The following DACH1 variants were observed in gnomAD, a reference collection of about 807,000 sequenced individuals.
DACH1 encodes the protein dachshund homolog 1.
A neutral mutation model predicts 54.2 loss-of-function variants in DACH1; 12 were observed. The ratio of observed to expected loss-of-function variants is 0.22; its 90% CI spans 0.14 to 0.36. The LOEUF (loss-of-function observed/expected upper bound fraction) is 0.36. Among genes scored for constraint, DACH1 ranks in the 10% least tolerant of loss-of-function variants. DACH1 has a pLI of 1.00. For synonymous variants in DACH1, 386 were observed against 366.2 expected (o/e 1.05, Z -0.62); for missense variants, 805 against 929.8 (o/e 0.87, Z 1.75).
At chr13:71,813,610 G>A (rs1017582922) in intron 1 of DACH1, among the ~76,000 whole-genome samples, 1 of 152,022 alleles carries the variant, frequency 6.6e-6, no homozygotes, top group African/African-American at 2.4e-5. Context: ...CACAGAATAG[G>A]TTTAAGAACA....
At chr13:71,830,965 A>G (rs1005989909) in intron 1 of DACH1, among the ~76,000 whole-genome samples, 1 of 151,944 alleles carries the variant, frequency 6.6e-6, no homozygotes, top group African/African-American at 2.4e-5. Flanking sequence ...GAACAAACTG[A>G]CAAAGCAAAG....
intron 10 of DACH1, among the ~76,000 whole-genome samples, chr13:71,468,674 A>C (rs1876804650): frequency 1.3e-5 from 2 of 152,190 alleles, no homozygotes; most frequent in South Asian, 4.1e-4. Flanking sequence ...AAAGAAACAA[A>C]GGGGCTCACC....
intron 1 of DACH1, among the ~76,000 whole-genome samples, chr13:71,864,989 A>T (rs1177491270): frequency 6.6e-6 from 1 of 152,114 alleles, no homozygotes; most frequent in Non-Finnish European, 1.5e-5. Context: ...TTTGGAGAGA[A>T]AGAGACAGAG....
At chr13:71,503,029 T>C (rs1031948412) in intron 6 of DACH1, among the ~76,000 whole-genome samples, 2 of 152,200 alleles carry the variant, frequency 1.3e-5, no homozygotes, top group Non-Finnish European at 2.9e-5. Flanking sequence ...TTTTAATGGG[T>C]CCCTTCTTTC....
rs375037911 is a variant in DACH1, at chr13:71,542,612, G to A, written c.1570+14412C>T. 1.1e-3 allele frequency among the ~76,000 whole-genome samples: 170 copies of A among 152,174 alleles called. 1 individual carries two copies. The highest frequency in any genetic ancestry group is 4.0e-3 in the African/African-American group (167 of 41,546). On this transcript the variant is annotated intron_variant, in intron 6 of 10. Transcript: ENST00000613252. ...TCCTCTTTGGCTTGTCTAAAACAAT[G>A]AGAAAAGTCTGTTTAATCTTAAACC...
chr13:71,583,583 C>G (rs1593934702), intron 3 of DACH1, among the ~76,000 whole-genome samples: 2 of 152,172 alleles, frequency 1.3e-5, no homozygotes, highest in African/African-American at 2.4e-5. Context: ...TGGCTTACAT[C>G]TGTAATCCCA....
chr13:71,674,464 C>T (rs1880421271), intron 2 of DACH1, among the ~76,000 whole-genome samples: 1 of 151,436 alleles, frequency 6.6e-6, no homozygotes, highest in South Asian at 2.1e-4. Flanking sequence ...CACACACACA[C>T]ACACACACAC....
chr13:71,782,314 T>C (rs149293165), intron 1 of DACH1, among the ~76,000 whole-genome samples: 1 of 152,178 alleles, frequency 6.6e-6, no homozygotes, highest in East Asian at 1.9e-4. Context: ...TGGTGATGCA[T>C]GCCTGTAGTC....
rs568239915 is a variant in DACH1 at position 71,633,995 on chromosome 13, CAG to C, written c.965-3280_965-3279del. On this transcript the variant is annotated intron_variant, in intron 2 of 10. Transcript: ENST00000613252. ...CCTTTTTTTTTTTTTTCTTTTGAGA[CAG>C]AGTCTCCTTCTGTCACCCAGGCTGG... Among the ~76,000 whole-genome samples, 87 of 146,294 alleles carry C rather than the reference CAG, an allele frequency of 5.9e-4. 2 individuals carry two copies. In the South Asian group the frequency reaches 0.018, roughly 30 times the overall value.
intron 2 of DACH1, among the ~76,000 whole-genome samples, chr13:71,654,441 AAATAAAATAAAATAAAGTAAAATAAAAT>A (rs2138632492): frequency 7.0e-6 from 1 of 142,060 alleles, no homozygotes; most frequent in African/African-American, 2.6e-5. Flanking sequence ...AAATAAAATA[AAATAAAATAAAATAAAGTAAAATAAAAT>A]AAAATAAAAT....
chr13:71,508,951 T>G (rs1205908645), intron 6 of DACH1, among the ~76,000 whole-genome samples: 1 of 152,166 alleles, frequency 6.6e-6, no homozygotes, highest in Non-Finnish European at 1.5e-5. Flanking sequence ...TTTGATTTGA[T>G]GTATTTAACT....
At chr13:71,851,016 T>C (rs1317251494) in intron 1 of DACH1, among the ~76,000 whole-genome samples, 1 of 152,248 alleles carries the variant, frequency 6.6e-6, no homozygotes. Context: ...TGTGCTGTGA[T>C]ATGTACGTCC....
At chr13:71,716,318 A>T (rs1161844360) in intron 1 of DACH1, among the ~76,000 whole-genome samples, 1 of 152,128 alleles carries the variant, frequency 6.6e-6, no homozygotes, top group Non-Finnish European at 1.5e-5. Context: ...ATAACATTAT[A>T]GCACATTCAG....
rs186972687 is a variant in DACH1 at position 71,794,500 on chromosome 13, G to A, written c.848+71422C>T. ...GTCGCCCAGGCTGGAGTGCAATGGC[G>A]CAATCTCGGCTCACTGCAACCTCCA... On this transcript the variant is annotated intron_variant, in intron 1 of 10. Transcript: ENST00000613252. 3.6e-3 allele frequency among the ~76,000 whole-genome samples: 554 copies of A among 152,208 alleles called. 4 individuals carry two copies. Among genetic ancestry groups the A allele is most frequent in the Middle Eastern group, 6.8e-3 (2 of 294 alleles).
At chr13:71,766,032 G>A (rs979841232) in intron 1 of DACH1, among the ~76,000 whole-genome samples, 3 of 151,826 alleles carry the variant, frequency 2.0e-5, no homozygotes, top group East Asian at 1.9e-4. Context: ...GACAACAGGC[G>A]CCCGCCACCA....
intron 6 of DACH1, among the ~76,000 whole-genome samples, chr13:71,493,829 T>A (rs1042521991): frequency 6.6e-6 from 1 of 152,162 alleles, no homozygotes; most frequent in South Asian, 2.1e-4. Context: ...TTAGAAATTT[T>A]AAAAGTTTTA....
At chr13:71,567,481 T>C (rs973268533) in intron 4 of DACH1, among the ~76,000 whole-genome samples, 3 of 151,982 alleles carry the variant, frequency 2.0e-5, no homozygotes, top group Non-Finnish European at 4.4e-5. Context: ...GGTCTCACCA[T>C]AGAAGTATGA....
chr13:71,780,312 T>C (rs1886318944), intron 1 of DACH1, among the ~76,000 whole-genome samples: 1 of 152,198 alleles, frequency 6.6e-6, no homozygotes. Flanking sequence ...ATTTATATGA[T>C]ATTAACATTT....
At position 71,816,687 on chromosome 13, in the gene DACH1, T is replaced by TAC. The variant is rs531997470; in HGVS notation, c.848+49233_848+49234dup. On this transcript the variant is annotated intron_variant, in intron 1 of 10. Coordinates refer to ENST00000613252, the MANE Select transcript of DACH1 (RefSeq NM_080759.6). ...GTATATATATACACACATATATATA[T>TAC]ACACATATATATATATACACACACC... Among the ~76,000 whole-genome samples, 416 of 140,844 alleles carry TAC rather than the reference T, an allele frequency of 3.0e-3. 1 individual carries two copies. Among genetic ancestry groups the TAC allele is most frequent in the African/African-American group, 0.01 (379 of 36,272 alleles). The allele number at this position is 140,844 out of a possible 152,430, so 92.4% of individuals were successfully genotyped here. A position where few individuals can be genotyped will look rare whatever the true frequency, so the allele number is the denominator to read the frequency against.
Sources: gnomAD v4.1 joint callset for allele counts (sites outside exome capture counted in the v4.1 genomes callset) on GRCh38, gnomAD v4.1.1 for gene constraint, MANE v1.5 for transcripts, NCBI Gene and HGNC (gene_info 2026-07-23, HGNC 2026-07-21) for gene names.